Variants in WNK3 observed in about 807,000 individuals in gnomAD.
The protein encoded by WNK3 is WNK lysine deficient protein kinase 3, also known as serine/threonine-protein kinase WNK3.
A neutral mutation model predicts 116.7 loss-of-function variants in WNK3; 18 were observed. That is an observed-to-expected ratio of 0.15 (90% confidence interval 0.11 to 0.23). The LOEUF (loss-of-function observed/expected upper bound fraction) is 0.23, where lower values mean the gene tolerates loss of function less well. Ranked by LOEUF, WNK3 falls within the 10% of genes least tolerant of loss-of-function variation. The probability of loss-of-function intolerance (pLI) is 1.00; values close to 1 mark genes in which losing one functional copy is unlikely to be tolerated. For missense variants in WNK3, 993 were observed against 1,323.8 expected (o/e 0.75, Z 3.88); for synonymous variants, 404 against 469.4 (o/e 0.86, Z 1.80).
At chrX:54,224,019 C>G (rs1557147109) in intron 22 of WNK3, 1 of 128,054 alleles carries the variant, frequency 7.8e-6, no homozygotes. Context: ...GGTCCAAAAT[C>G]TCTGGCTCTC....
intron 10 of WNK3, among the ~76,000 whole-genome samples, chrX:54,273,529 G>A (rs140970565): frequency 0.011 from 1,192 of 111,735 alleles, 14 homozygotes; most frequent in African/African-American, 0.038. Flanking sequence ...GCAACAGAGC[G>A]AGACTCCCAT....
intron 10 of WNK3, among the ~76,000 whole-genome samples, chrX:54,271,690 A>T (rs908661095): frequency 8.9e-6 from 1 of 112,255 alleles, no homozygotes. Flanking sequence ...CCAAAACAAC[A>T]GTTTGCCTTT....
intron 2 of WNK3, among the ~76,000 whole-genome samples, chrX:54,317,136 A>G (rs2068966996): frequency 9.1e-6 from 1 of 109,459 alleles, no homozygotes; most frequent in African/African-American, 3.4e-5. Context: ...ATTCTGATAC[A>G]TGCTACAAAA....
At chrX:54,298,470 G>T in intron 6 of WNK3, 76 bp from the exon 7 acceptor site, 1 of 743,698 alleles carries the variant, frequency 1.3e-6, no homozygotes, top group Non-Finnish European at 1.9e-6. Context: ...AAAATTAATT[G>T]TATAAAAGCA....
chrX:54,226,818 C>A, intron 22 of WNK3, among the ~76,000 whole-genome samples: 1 of 111,669 alleles, frequency 9.0e-6, no homozygotes, highest in East Asian at 2.8e-4. Context: ...CCAGCCTGGG[C>A]GACGGAGTGA....
At chrX:54,224,731 G>A (rs1289413683) in intron 22 of WNK3, among the ~76,000 whole-genome samples, 6 of 109,407 alleles carry the variant, frequency 5.5e-5, no homozygotes, top group Admixed American at 9.8e-5. Flanking sequence ...CACCACACTG[G>A]GCTAATTTTT....
intron 3 of WNK3, 107 bp from the exon 4 acceptor site, chrX:54,309,422 C>T (rs1255737915): frequency 2.5e-5 from 14 of 565,690 alleles, no homozygotes; most frequent in Non-Finnish European, 3.6e-5. Context: ...CTATGATTCC[C>T]ATCACTGAGT....
intron 10 of WNK3, among the ~76,000 whole-genome samples, chrX:54,280,114 T>C (rs900407000): frequency 8.9e-6 from 1 of 111,750 alleles, no homozygotes; most frequent in African/African-American, 3.2e-5. Context: ...CTGGCCAAGA[T>C]GGTGAAACCC....
At chrX:54,326,584 G>C (rs1476246469) in intron 2 of WNK3, among the ~76,000 whole-genome samples, 1 of 110,412 alleles carries the variant, frequency 9.1e-6, no homozygotes, top group Non-Finnish European at 1.9e-5. Context: ...TGTAATTCCA[G>C]AACTTTGAGA....
At chrX:54,225,308 ATGAT>A (rs2067822327) in intron 22 of WNK3, among the ~76,000 whole-genome samples, 1 of 109,775 alleles carries the variant, frequency 9.1e-6, no homozygotes, top group Non-Finnish European at 1.9e-5. Context: ...AAAACTAAAA[ATGAT>A]TGTTGAAAGA....
At chrX:54,339,219 T>C (rs1392701252) in intron 1 of WNK3, among the ~76,000 whole-genome samples, 1 of 110,030 alleles carries the variant, frequency 9.1e-6, no homozygotes. Flanking sequence ...ACTGGAGAAA[T>C]AGATAATTCA....
At chrX:54,350,564 G>C (rs1351183625) in intron 1 of WNK3, among the ~76,000 whole-genome samples, 2 of 111,829 alleles carry the variant, frequency 1.8e-5, no homozygotes, top group African/African-American at 6.5e-5. Context: ...TGTTAAGTTT[G>C]AGAATTGTAT....
intron 5 of WNK3, among the ~76,000 whole-genome samples, chrX:54,302,930 AT>A (rs782315389): frequency 1.7e-3 from 141 of 81,701 alleles, no homozygotes; most frequent in African/African-American, 5.1e-3. Flanking sequence ...AACTCGGCTA[AT>A]TTTTTTTTTT....
intron 10 of WNK3, among the ~76,000 whole-genome samples, chrX:54,291,003 T>A (rs1005110490): frequency 9.0e-6 from 1 of 111,624 alleles, no homozygotes; most frequent in East Asian, 2.8e-4. Flanking sequence ...ATCTAAAGGC[T>A]ATACCTCAAA....
chrX:54,340,526 G>A (rs896381578), intron 1 of WNK3, among the ~76,000 whole-genome samples: 5 of 110,531 alleles, frequency 4.5e-5, no homozygotes, highest in African/African-American at 1.7e-4. Context: ...CAGGAGAATC[G>A]CTTGAGCCTG....
In WNK3 at chrX:54,293,263, A is replaced by C. The variant is rs1416355178; in HGVS notation, c.1758T>G (p.Ser586Arg). 4 of 1,208,137 alleles carry C rather than the reference A, an allele frequency of 3.3e-6. No homozygotes were observed. In the African/African-American group the frequency reaches 7.0e-5, roughly 21 times the overall value. ...TCGTTTGATTTGAGGAATAGGCTAC[A>C]CTGGGCTGACTTGAAGTATCTGAAT... Residue 586 changes from serine to arginine, a missense_variant, in exon 9 of 24, where the codon AGT becomes AGG. Around this residue, in one of 4 missense-constraint regions of WNK3, gnomAD observed 836 missense variants for 976.5 expected, o/e 0.86. Transcript: ENST00000354646.
At chrX:54,236,571 C>T (rs1557150149) in intron 20 of WNK3, among the ~76,000 whole-genome samples, 2 of 111,523 alleles carry the variant, frequency 1.8e-5, no homozygotes, top group Non-Finnish European at 3.8e-5. Flanking sequence ...AAGTATCTTA[C>T]CTTTTCCTAA....
chrX:54,248,142 G>A (rs1197677550), intron 17 of WNK3, among the ~76,000 whole-genome samples: 7 of 109,519 alleles, frequency 6.4e-5, no homozygotes, highest in Non-Finnish European at 1.1e-4. Flanking sequence ...GGAGGCTGAG[G>A]CAGGAGAATT....
At chrX:54,220,214 T>C (rs1386765852) in intron 22 of WNK3, among the ~76,000 whole-genome samples, 2 of 111,923 alleles carry the variant, frequency 1.8e-5, no homozygotes, top group African/African-American at 6.5e-5. Flanking sequence ...AACTAGTTCT[T>C]CTTGATGACT....
Sources: gnomAD v4.1 joint callset for allele counts (sites outside exome capture counted in the v4.1 genomes callset) on GRCh38, gnomAD v4.1.1 for gene constraint, gnomAD v4.1.1 regional missense constraint, MANE v1.5 for transcripts, NCBI Gene and HGNC (gene_info 2026-07-23, HGNC 2026-07-21) for gene names.